The following GOLT1B variants were observed in gnomAD, a reference collection of about 807,000 sequenced individuals.
The protein encoded by GOLT1B is vesicle transport protein GOT1B.
GOLT1B carries 3 observed loss-of-function variants against 15.4 expected under a neutral mutation model. The ratio of observed to expected loss-of-function variants is 0.19; its 90% CI spans 0.09 to 0.50. GOLT1B has a LOEUF of 0.50. GOLT1B is among the 20% of genes least tolerant of loss of function. GOLT1B has a pLI of 0.97. For missense variants in GOLT1B, 145 were observed against 160.4 expected (o/e 0.90, Z 0.52); for synonymous variants, 65 against 56.2 (o/e 1.16, Z -0.70).
intron 3 of GOLT1B, among the ~76,000 whole-genome samples, chr12:21,510,468 T>G (rs1453160442): frequency 2.6e-5 from 4 of 152,196 alleles, no homozygotes; most frequent in African/African-American, 9.7e-5. Flanking sequence ...TCGACAAGCT[T>G]GGAGTAATAC....
intron 3 of GOLT1B, among the ~76,000 whole-genome samples, chr12:21,510,579 A>G (rs1245138941): frequency 3.3e-5 from 5 of 152,296 alleles, no homozygotes; most frequent in African/African-American, 1.2e-4. Context: ...TTTAGTGCCA[A>G]GGGTCTTTGA....
chr12:21,506,751 G>A (rs924950793), intron 1 of GOLT1B, 134 bp from the exon 2 acceptor site: 3 of 472,266 alleles, frequency 6.4e-6, no homozygotes, highest in Non-Finnish European at 1.1e-5. Flanking sequence ...ATGTCATTAT[G>A]AAGTTAACCT....
At chr12:21,503,133 T>C (rs1294043841) in intron 1 of GOLT1B, among the ~76,000 whole-genome samples, 1 of 152,210 alleles carries the variant, frequency 6.6e-6, no homozygotes, top group African/African-American at 2.4e-5. Context: ...TGGCCTGTTC[T>C]GATCAAAGAA....
At chr12:21,505,968 A>G (rs1943675565) in intron 1 of GOLT1B, among the ~76,000 whole-genome samples, 2 of 152,110 alleles carry the variant, frequency 1.3e-5, no homozygotes, top group Admixed American at 6.5e-5. Flanking sequence ...CTAAAAAAAT[A>G]AGACCTAGAG....
At position 21,515,692 on chromosome 12, in the gene GOLT1B, C is replaced by A; in HGVS notation, c.402C>A (p.Ser134Arg). 7.3e-7 allele frequency: 1 copy of A among 1,368,698 alleles called. No homozygotes were observed. The highest frequency in any genetic ancestry group is 1.0e-6 in the Non-Finnish European group (1 of 967,752). 84.8% of individuals were successfully genotyped at this position (1,368,698 alleles called of 1,614,324 possible). ...IRSFVDKVGE[S>R]NNMV is the part of the protein sequence containing the mutation. ...AGTTTGTAGATAAAGTTGGAGAAAGCAACAATATGGTATAACAACAAGTGA... is the reference window on the plus strand; with the variant it reads ...AGTTTGTAGATAAAGTTGGAGAAAGAAACAATATGGTATAACAACAAGTGA... The change falls in exon 5 of 5, where the codon AGC becomes AGA. Residue 134 changes from serine to arginine, a missense_variant. By Grantham distance (110) the Ser-to-Arg change is moderately radical. Coordinates refer to ENST00000229314, the MANE Select transcript of GOLT1B (RefSeq NM_016072.5).
chr12:21,506,869 A>G lies in GOLT1B; in HGVS notation c.26-16A>G. On this transcript the variant is annotated splice_polypyrimidine_tract_variant and intron_variant, in intron 1 of 4. Transcript: ENST00000229314. ...TTAATTTTTCTCTACCCTTAACCATATACCTTATATTGCAGAAATTGGAAT... is the reference window on the plus strand; with the variant it reads ...TTAATTTTTCTCTACCCTTAACCATGTACCTTATATTGCAGAAATTGGAAT... 9.2e-7 allele frequency: 1 copy of G among 1,092,636 alleles called. No homozygotes were observed. The highest frequency in any genetic ancestry group is 1.3e-5 in the South Asian group (1 of 75,612). The allele number at this position is 1,092,636 out of a possible 1,614,324, so 67.7% of individuals were successfully genotyped here. A position where few individuals can be genotyped will look rare whatever the true frequency, so the allele number is the denominator to read the frequency against.
chr12:21,517,165 AT>A lies in GOLT1B; in HGVS notation c.*1462del, dbSNP rs574576281. Reference sequence around the variant, plus strand: ...TGTCTACAAAAATAGATTACAGCTTATTTTATTTTTAGTTAAATCTCTTAAT... The same window carrying A: ...TGTCTACAAAAATAGATTACAGCTTATTTATTTTTAGTTAAATCTCTTAAT... On this transcript the variant is annotated 3_prime_UTR_variant, in exon 5 of 5. Coordinates refer to ENST00000229314, the MANE Select transcript of GOLT1B (RefSeq NM_016072.5). 207 of 152,514 alleles carry A rather than the reference AT, an allele frequency of 1.4e-3. No individual in the cohort carries two copies. The highest frequency in any genetic ancestry group is 4.6e-3 in the African/African-American group (193 of 41,550). The allele number at this position is 152,514 out of a possible 1,614,324, so 9.4% of individuals were successfully genotyped here.
At chr12:21,507,556 A>G (rs549583334) in intron 2 of GOLT1B, among the ~76,000 whole-genome samples, 1 of 151,880 alleles carries the variant, frequency 6.6e-6, no homozygotes, top group African/African-American at 2.4e-5. Flanking sequence ...ACACACATAT[A>G]TATTTGGGCT....
intron 4 of GOLT1B, chr12:21,515,202 A>G (rs772024523): frequency 7.6e-6 from 9 of 1,176,960 alleles, no homozygotes; most frequent in African/African-American, 3.0e-5. Flanking sequence ...GTTGTTAACT[A>G]TTGAACTTAA....
rs1172470630 is a variant in GOLT1B, at chr12:21,518,397, A to AT, written c.*2696dup. 6.6e-6 allele frequency: 1 copy of AT among 152,070 alleles called. No individual in the cohort carries two copies. Among genetic ancestry groups the AT allele is most frequent in the East Asian group, 1.9e-4 (1 of 5,168 alleles). The allele number at this position is 152,070 out of a possible 1,614,324, so 9.4% of individuals were successfully genotyped here. A position where few individuals can be genotyped will look rare whatever the true frequency, so the allele number is the denominator to read the frequency against. On this transcript the variant is annotated 3_prime_UTR_variant, in exon 5 of 5. Transcript: ENST00000229314. The stretch of plus-strand genomic sequence containing the variant: ...AGTCACTTACCTTGGGCAATATGCT[A>AT]TTTTTTAAAAATCAGACTCCCAGTT...
At chr12:21,502,714 A>G (rs980072647) in intron 1 of GOLT1B, among the ~76,000 whole-genome samples, 4 of 152,092 alleles carry the variant, frequency 2.6e-5, no homozygotes, top group East Asian at 1.9e-4. Flanking sequence ...TTCTTTCATT[A>G]TAATATTTCC....
intron 2 of GOLT1B, among the ~76,000 whole-genome samples, chr12:21,507,530 A>G (rs7485094): frequency 0.98 from 146,296 of 148,906 alleles, 71,902 homozygotes; most frequent in Non-Finnish European, 1. Flanking sequence ...GTGTGTGTGT[A>G]TATATATATA....
chr12:21,506,072 G>A (rs992383283), intron 1 of GOLT1B, among the ~76,000 whole-genome samples: 2 of 152,048 alleles, frequency 1.3e-5, no homozygotes, highest in South Asian at 4.1e-4. Context: ...TCAGTACCTG[G>A]AACAGTTCCT....
intron 3 of GOLT1B, 130 bp downstream of exon 3, chr12:21,508,691 T>G (rs1943696743): frequency 3.3e-6 from 2 of 608,706 alleles, no homozygotes; most frequent in Middle Eastern, 4.3e-4. Flanking sequence ...AGGTTGAATC[T>G]TATAGATTTA....
intron 1 of GOLT1B, among the ~76,000 whole-genome samples, chr12:21,502,205 G>A (rs1943635534): frequency 6.6e-6 from 1 of 152,160 alleles, no homozygotes; most frequent in Non-Finnish European, 1.5e-5. Flanking sequence ...CTTTAGCCCA[G>A]AGTCTGTCTC....
intron 3 of GOLT1B, among the ~76,000 whole-genome samples, chr12:21,511,700 T>A (rs80107937): frequency 1.3e-5 from 2 of 152,228 alleles, no homozygotes; most frequent in South Asian, 4.1e-4. Flanking sequence ...AGACCAAATA[T>A]ATATTTCACA....
chr12:21,508,224 T>G, intron 2 of GOLT1B, 159 bp from the exon 3 acceptor site: 1 of 591,022 alleles, frequency 1.7e-6, no homozygotes, highest in East Asian at 2.9e-5. Flanking sequence ...TCCTTGGTTC[T>G]GCTGCTTGGT....
rs1208655873 is a variant in GOLT1B, at chr12:21,517,546, T to C, written c.*1839T>C. On this transcript the variant is annotated 3_prime_UTR_variant, in exon 5 of 5. Coordinates refer to ENST00000229314, the MANE Select transcript of GOLT1B (RefSeq NM_016072.5). ...TAATTCTACCTTTTTAGAGCAAGAA[T>C]AGTATCTGCTAATGTAAGGGACATC... The C allele has an allele frequency of 6.6e-6, 1 of 152,102 alleles. No individual in the cohort carries two copies. Among genetic ancestry groups the C allele is most frequent in the Non-Finnish European group, 1.5e-5 (1 of 67,922 alleles). The allele number at this position is 152,102 out of a possible 1,614,324, so 9.4% of individuals were successfully genotyped here.
At chr12:21,512,181 A>G (rs1228839418) in intron 3 of GOLT1B, 114 bp from the exon 4 acceptor site, 28 of 654,542 alleles carry the variant, frequency 4.3e-5, no homozygotes, top group Non-Finnish European at 7.6e-5. Context: ...TCTAAGTTTG[A>G]AGACCCTCAA....
Sources: gnomAD v4.1 joint callset for allele counts (sites outside exome capture counted in the v4.1 genomes callset) on GRCh38, gnomAD v4.1.1 for gene constraint, MANE v1.5 for transcripts, NCBI Gene and HGNC (gene_info 2026-07-23, HGNC 2026-07-21) for gene names.